Variants in CADPS observed in about 807,000 individuals in gnomAD.
The protein encoded by CADPS is calcium dependent secretion activator, also known as calcium-dependent secretion activator 1.
A neutral mutation model predicts 167.3 loss-of-function variants in CADPS; 57 were observed. That is an observed-to-expected ratio of 0.34 (90% CI 0.28 to 0.42). The LOEUF is 0.42. Among genes scored for constraint, CADPS ranks in the 20% least tolerant of loss-of-function variants. CADPS has a pLI of 1.00. For synonymous variants in CADPS, 676 were observed against 635.3 expected, an observed-to-expected ratio of 1.06 and a Z score of -0.96; for missense variants, 1,414 against 1,738.1, an observed-to-expected ratio of 0.81 and a Z score of 3.32.
At chr3:62,457,936 TG>T (rs1192418842) in intron 26 of CADPS, among the ~76,000 whole-genome samples, 1 of 151,340 alleles carries the variant, frequency 6.6e-6, no homozygotes, top group Non-Finnish European at 1.5e-5. Context: ...TGTTGAAGGG[TG>T]GGGGACTAGG....
intron 3 of CADPS, among the ~76,000 whole-genome samples, chr3:62,685,365 C>T (rs558201079): frequency 7.2e-5 from 11 of 151,846 alleles, no homozygotes; most frequent in African/African-American, 1.7e-4. Flanking sequence ...AGAAACAATG[C>T]GTAGAGTTTA....
rs1336559741 is a variant in CADPS, at chr3:62,677,294, AAACAACAAC to A, written c.889-14909_889-14901del. On this transcript the variant is annotated intron_variant, in intron 3 of 29. Transcript: ENST00000383710. ...CACTAGCACCAAAAACAAAAAACCA[AAACAACAAC>A]AACAGCAAAAAAACCAAAAAACCAG... Among the ~76,000 whole-genome samples, 7 of 152,090 alleles carry A rather than the reference AAACAACAAC, an allele frequency of 4.6e-5. No homozygotes were observed. The East Asian group carries it at 1.4e-3, about 29-fold the overall frequency.
intron 6 of CADPS, among the ~76,000 whole-genome samples, chr3:62,613,123 C>T (rs2061726303): frequency 6.6e-6 from 1 of 152,080 alleles, no homozygotes; most frequent in Non-Finnish European, 1.5e-5. Flanking sequence ...GAGGAGGGGT[C>T]CCCATCAAGC....
chr3:62,456,783 A>T (rs940387540), intron 26 of CADPS, among the ~76,000 whole-genome samples: 1 of 151,032 alleles, frequency 6.6e-6, no homozygotes, highest in African/African-American at 2.5e-5. Context: ...AAAAAAACCC[A>T]ATATAATAAT....
chr3:62,603,368 A>G (rs2060237711), intron 6 of CADPS, among the ~76,000 whole-genome samples: 1 of 152,264 alleles, frequency 6.6e-6, no homozygotes, highest in Non-Finnish European at 1.5e-5. Flanking sequence ...TATAAACTTC[A>G]TAAGGACAGA....
At chr3:62,825,331 G>T (rs955874958) in intron 1 of CADPS, among the ~76,000 whole-genome samples, 1 of 152,022 alleles carries the variant, frequency 6.6e-6, no homozygotes. Flanking sequence ...AATCATAAAC[G>T]GGATCCCAAA....
chr3:62,772,054 A>G (rs1283526806), intron 1 of CADPS, among the ~76,000 whole-genome samples: 1 of 152,148 alleles, frequency 6.6e-6, no homozygotes, highest in Non-Finnish European at 1.5e-5. Flanking sequence ...GTCTTTGTGA[A>G]AACTAGGTGG....
At chr3:62,427,366 A>G (rs960541760) in intron 28 of CADPS, among the ~76,000 whole-genome samples, 1 of 152,210 alleles carries the variant, frequency 6.6e-6, no homozygotes, top group Non-Finnish European at 1.5e-5. Context: ...CTGGAGTCCC[A>G]CAGATCATGC....
chr3:62,733,516 G>C (rs1208487074), intron 3 of CADPS, among the ~76,000 whole-genome samples: 1 of 152,046 alleles, frequency 6.6e-6, no homozygotes, highest in Non-Finnish European at 1.5e-5. Context: ...TTTCTCCTGA[G>C]GTCATGAAAT....
At chr3:62,738,639 T>C (rs2079520986) in intron 3 of CADPS, among the ~76,000 whole-genome samples, 1 of 152,062 alleles carries the variant, frequency 6.6e-6, no homozygotes, top group African/African-American at 2.4e-5. Flanking sequence ...GGCAGGAGAA[T>C]TGCTTGAAAC....
At chr3:62,681,258 C>T (rs542307755) in intron 3 of CADPS, among the ~76,000 whole-genome samples, 8 of 152,180 alleles carry the variant, frequency 5.3e-5, no homozygotes, top group African/African-American at 1.7e-4. Flanking sequence ...CTCTCAAAGA[C>T]TCTTCTCAAA....
At chr3:62,656,774 G>A (rs1579779822) in intron 4 of CADPS, among the ~76,000 whole-genome samples, 1 of 152,122 alleles carries the variant, frequency 6.6e-6, no homozygotes, top group Non-Finnish European at 1.5e-5. Flanking sequence ...ACATTAAAAG[G>A]CACTTTGGGC....
chr3:62,630,656 T>C (rs2065103220), intron 6 of CADPS, among the ~76,000 whole-genome samples: 1 of 152,156 alleles, frequency 6.6e-6, no homozygotes, highest in Non-Finnish European at 1.5e-5. Flanking sequence ...TGCAGTTTCT[T>C]TTTAAAGTAA....
chr3:62,592,669 C>T lies in CADPS; in HGVS notation c.1405G>A (p.Val469Ile), dbSNP rs200814072. The change falls in exon 7 of 30, where the codon GTC becomes ATC. Residue 469 changes from valine to isoleucine, a missense_variant. This residue lies in a region of CADPS where 157 missense variants were observed against 229.4 expected (regional missense o/e 0.68). Coordinates refer to ENST00000383710, the MANE Select transcript of CADPS (RefSeq NM_003716.4). Reference sequence around the variant, plus strand: ...AGCTCCTTGTCCTCCAACGCCAGGACGCCTGTGCTCTCTGTGAACAGCTTC... The same window carrying T: ...AGCTCCTTGTCCTCCAACGCCAGGATGCCTGTGCTCTCTGTGAACAGCTTC... ...KVKLFTESTG[V>I]LALEDKELGR... 1.5e-5 allele frequency: 24 copies of T among 1,613,834 alleles called. No individual in the cohort carries two copies. Among genetic ancestry groups the T allele is most frequent in the Admixed American group, 6.7e-5 (4 of 60,000 alleles).
At chr3:62,701,619 A>G (rs552330040) in intron 3 of CADPS, among the ~76,000 whole-genome samples, 13 of 151,420 alleles carry the variant, frequency 8.6e-5, no homozygotes, top group African/African-American at 3.1e-4. Flanking sequence ...AAAAAAAAAA[A>G]AAAGAAAGAA....
intron 21 of CADPS, among the ~76,000 whole-genome samples, chr3:62,484,684 C>T (rs535961230): frequency 4.6e-5 from 7 of 152,212 alleles, no homozygotes; most frequent in South Asian, 2.1e-4. Flanking sequence ...GATGTGTGCA[C>T]GTCTCATCAT....
intron 1 of CADPS, among the ~76,000 whole-genome samples, chr3:62,833,361 C>A (rs147733804): frequency 1.3e-5 from 2 of 151,852 alleles, no homozygotes; most frequent in East Asian, 4.0e-4. Context: ...GACTATGTTG[C>A]CCAGGCTGGT....
At chr3:62,822,856 A>G (rs747159594) in intron 1 of CADPS, among the ~76,000 whole-genome samples, 18 of 152,166 alleles carry the variant, frequency 1.2e-4, no homozygotes, top group Non-Finnish European at 1.9e-4. Flanking sequence ...AAATAAAAAT[A>G]AAAATTAAAA....
Position 62,544,431 on chromosome 3 carries a change from C to A in CADPS, c.1966+5472G>T, listed in dbSNP as rs1050887048. ...CTTTGGAATGGGAAAGGAAAAACAA[C>A]AACAACAACAACAACAACAGCACAT... On this transcript the variant is annotated intron_variant, in intron 11 of 29. Coordinates refer to ENST00000383710, the MANE Select transcript of CADPS (RefSeq NM_003716.4). This position sits in a 1 kb window ranked among gnomAD's most constrained non-coding sequence, Gnocchi z 4.4. Among the ~76,000 whole-genome samples, 2 of 151,948 alleles carry A rather than the reference C, an allele frequency of 1.3e-5. No individual in the cohort carries two copies. The highest frequency in any genetic ancestry group is 3.9e-4 in the East Asian group (2 of 5,170).
Sources: allele counts gnomAD v4.1 joint callset (sites outside exome capture counted in the v4.1 genomes callset), GRCh38; gene constraint gnomAD v4.1.1; regional missense constraint gnomAD v4.1.1; non-coding constraint Gnocchi (gnomAD v3.1); transcripts MANE v1.5; gene names NCBI Gene and HGNC (gene_info 2026-07-23, HGNC 2026-07-21).